Variants in TRAPPC9 observed in about 807,000 individuals in gnomAD.
The protein encoded by TRAPPC9 is IKK2 binding protein.
Under a neutral mutation model 124.0 loss-of-function variants are expected in TRAPPC9, and 83 were observed. The ratio of observed to expected loss-of-function variants is 0.67; its 90% CI spans 0.56 to 0.80. TRAPPC9 has a LOEUF of 0.80. TRAPPC9 is among the 30% of genes least tolerant of loss of function. The pLI is 0.00. For synonymous variants in TRAPPC9, 638 were observed against 617.5 expected, an observed-to-expected ratio of 1.03 and a Z score of -0.49; for missense variants, 1,302 against 1,508.3, an observed-to-expected ratio of 0.86 and a Z score of 2.27.
chr8:139,943,440 C>G (rs1834029768), intron 19 of TRAPPC9, among the ~76,000 whole-genome samples: 1 of 152,124 alleles, frequency 6.6e-6, no homozygotes, highest in Non-Finnish European at 1.5e-5. Context: ...TGAACTCTCT[C>G]CAAAGGACTA....
At chr8:140,067,477 C>G (rs553119414) in intron 17 of TRAPPC9, among the ~76,000 whole-genome samples, 21 of 152,318 alleles carry the variant, frequency 1.4e-4, no homozygotes, top group African/African-American at 5.1e-4. Context: ...AAATTGGGCT[C>G]TTGGCAATAG....
chr8:140,088,214 G>A (rs958432215), intron 17 of TRAPPC9, among the ~76,000 whole-genome samples: 19 of 152,162 alleles, frequency 1.2e-4, no homozygotes, highest in African/African-American at 3.1e-4. Flanking sequence ...TATAAGCTCC[G>A]TGATGGCAGG....
At chr8:139,868,337 CAG>C (rs1412988398) in intron 21 of TRAPPC9, among the ~76,000 whole-genome samples, 1 of 152,168 alleles carries the variant, frequency 6.6e-6, no homozygotes, top group Admixed American at 6.5e-5. Flanking sequence ...GCCTGGGCAA[CAG>C]AGCGAGACTC....
intron 21 of TRAPPC9, among the ~76,000 whole-genome samples, chr8:139,798,162 T>A (rs750760053): frequency 3.5e-4 from 54 of 152,370 alleles, no homozygotes; most frequent in Admixed American, 8.5e-4. Flanking sequence ...TTGGGTTTTT[T>A]AAAATGTCTT....
intron 19 of TRAPPC9, among the ~76,000 whole-genome samples, chr8:139,980,611 C>T (rs943082946): frequency 2.0e-5 from 3 of 152,360 alleles, no homozygotes; most frequent in Non-Finnish European, 4.4e-5. Flanking sequence ...TAACGCTGCT[C>T]TTTAGATCAA....
At chr8:140,401,925 CTCTT>C (rs2069290877) in intron 6 of TRAPPC9, among the ~76,000 whole-genome samples, 1 of 148,126 alleles carries the variant, frequency 6.8e-6, no homozygotes, top group African/African-American at 2.6e-5. Context: ...TGCACTCAAC[CTCTT>C]TTTTTTTTTT....
chr8:140,193,252 T>C (rs1159541166), intron 17 of TRAPPC9, among the ~76,000 whole-genome samples: 1 of 152,238 alleles, frequency 6.6e-6, no homozygotes, highest in Non-Finnish European at 1.5e-5. Flanking sequence ...AGTGCTTTTC[T>C]ACTGGAGATA....
chr8:139,809,334 G>GGGGGAATGGGAGTGAAGCA (rs1363573026), intron 21 of TRAPPC9, among the ~76,000 whole-genome samples: 162 of 152,016 alleles, frequency 1.1e-3, no homozygotes, highest in Non-Finnish European at 1.6e-3. Context: ...GGAGTGAAGC[G>GGGGGAATGGGAGTGAAGCA]TCCTCTTCTA....
intron 19 of TRAPPC9, among the ~76,000 whole-genome samples, chr8:139,982,446 G>A (rs1836971862): frequency 6.6e-6 from 1 of 152,134 alleles, no homozygotes; most frequent in East Asian, 1.9e-4. Flanking sequence ...CTATGAAAGT[G>A]GTGTCTTTCC....
Position 140,252,446 on chromosome 8 carries a change from A to C in TRAPPC9, c.2431+331T>G, listed in dbSNP as rs1449215827. On this transcript the variant is annotated intron_variant, in intron 16 of 22. Coordinates refer to ENST00000438773, the MANE Select transcript of TRAPPC9 (RefSeq NM_001160372.4). This position sits in a 1 kb window ranked among gnomAD's most constrained non-coding sequence, Gnocchi z 4.2. ...CTTTGAAGGAAAACTTTATCATCAC[A>C]GCTAATTAGATGTCTAAAGAATCAC... is the stretch of plus-strand genomic sequence containing the variant. 3.0e-6 allele frequency: 1 copy of C among 337,896 alleles called. No homozygotes were observed. The highest frequency in any genetic ancestry group is 2.1e-5 in the African/African-American group (1 of 47,500). The allele number at this position is 337,896 out of a possible 1,614,324, so 20.9% of individuals were successfully genotyped here.
rs1587353877 is a variant in TRAPPC9 at position 139,963,574 on chromosome 8, C to T, written c.2810+25152G>A. ...ATTCTCCTTTCATGGCCTCAGGTCA[C>T]GTGGGCCCCTTTCCCTTTCACTTTT... On this transcript the variant is annotated intron_variant, in intron 19 of 22. Coordinates refer to ENST00000438773, the MANE Select transcript of TRAPPC9 (RefSeq NM_001160372.4). Among the ~76,000 whole-genome samples the T allele has an allele frequency of 5.9e-5, 9 of 151,982 alleles. No homozygotes were observed. The South Asian group carries it at 1.9e-3, about 32-fold the overall frequency.
chr8:139,781,914 C>A (rs1426765348), intron 21 of TRAPPC9, among the ~76,000 whole-genome samples: 1 of 152,024 alleles, frequency 6.6e-6, no homozygotes, highest in Non-Finnish European at 1.5e-5. Flanking sequence ...AGGCAGAAAA[C>A]AAACAGAAGA....
chr8:140,328,242 G>A (rs1007262707), intron 9 of TRAPPC9, among the ~76,000 whole-genome samples: 8 of 152,022 alleles, frequency 5.3e-5, no homozygotes, highest in East Asian at 1.9e-4. Flanking sequence ...GCGAAAGAGC[G>A]AAAGTCCGTC....
Position 140,272,375 on chromosome 8 carries a change from GTGGTGATGA to G in TRAPPC9, c.2278+3274_2278+3282del, listed in dbSNP as rs369936918. ...GGAGAGAGTGGTGGTAGTGAGGGTG[GTGGTGATGA>G]TGGTGATGGTGGCGATGGTGATAAT... On this transcript the variant is annotated intron_variant, in intron 15 of 22. Coordinates refer to ENST00000438773, the MANE Select transcript of TRAPPC9 (RefSeq NM_001160372.4). Among the ~76,000 whole-genome samples the G allele has an allele frequency of 9.7e-3, 1,017 of 104,546 alleles. 10 individuals carry two copies. The highest frequency in any genetic ancestry group is 0.022 in the South Asian group (83 of 3,792). The allele number at this position is 104,546 out of a possible 152,430, so 68.6% of individuals were successfully genotyped here.
chr8:139,902,179 C>T (rs369605385), intron 20 of TRAPPC9, among the ~76,000 whole-genome samples: 5 of 152,244 alleles, frequency 3.3e-5, no homozygotes, highest in Admixed American at 2.0e-4. Context: ...CTGTGGATGC[C>T]GGGGAAAGGC....
chr8:140,140,500 G>C (rs1160491509), intron 17 of TRAPPC9, among the ~76,000 whole-genome samples: 1 of 152,090 alleles, frequency 6.6e-6, no homozygotes, highest in Non-Finnish European at 1.5e-5. Flanking sequence ...ATCTGGCATT[G>C]AACAAGAGCA....
chr8:139,908,849 T>A (rs1831526425), intron 20 of TRAPPC9: 1 of 152,168 alleles, frequency 6.6e-6, no homozygotes, highest in African/African-American at 2.4e-5. Flanking sequence ...ACAACTCCCA[T>A]TATCCCCACC....
chr8:140,414,452 T>C (rs1284017543), intron 5 of TRAPPC9, among the ~76,000 whole-genome samples: 1 of 152,144 alleles, frequency 6.6e-6, no homozygotes, highest in African/African-American at 2.4e-5. Context: ...AAGGATTGCT[T>C]GAGCCTGAGA....
At chr8:139,847,773 C>T (rs539969830) in intron 21 of TRAPPC9, among the ~76,000 whole-genome samples, 4 of 149,900 alleles carry the variant, frequency 2.7e-5, no homozygotes, top group East Asian at 1.9e-4. Context: ...GCCTCTCCGG[C>T]GGCCCAGCCT....
Sources: gnomAD v4.1 joint callset for allele counts (sites outside exome capture counted in the v4.1 genomes callset) on GRCh38, gnomAD v4.1.1 for gene constraint, Gnocchi (gnomAD v3.1) non-coding constraint, MANE v1.5 for transcripts, NCBI Gene and HGNC (gene_info 2026-07-23, HGNC 2026-07-21) for gene names.